EYS: variants seen among roughly 807,000 people sequenced by gnomAD.
EYS encodes the protein EGF-like photoreceptor maintenance factor, also known as protein eyes shut homolog.
EYS carries 250 observed loss-of-function variants against 282.1 expected under a neutral mutation model. That is an observed-to-expected ratio of 0.89 (90% CI 0.80 to 0.98). The LOEUF is 0.98. Among genes scored for constraint, EYS ranks in the 50% least tolerant of loss-of-function variants. The pLI is 0.00. For missense variants in EYS, 4,016 were observed against 3,709.0 expected, an observed-to-expected ratio of 1.08 and a Z score of -2.15; for synonymous variants, 1,355 against 1,282.9, an observed-to-expected ratio of 1.06 and a Z score of -1.20.
chr6:64,294,735 A>G (rs989799160), intron 30 of EYS, among the ~76,000 whole-genome samples: 1 of 152,226 alleles, frequency 6.6e-6, no homozygotes, highest in African/African-American at 2.4e-5. Flanking sequence ...ATGGCTTAGT[A>G]TGATACAAAT....
chr6:65,153,328 C>T (rs1165310096), intron 12 of EYS, among the ~76,000 whole-genome samples: 3 of 149,678 alleles, frequency 2.0e-5, no homozygotes, highest in African/African-American at 7.4e-5. Flanking sequence ...TGATCTGTAC[C>T]GGACTTCTTA....
intron 24 of EYS, among the ~76,000 whole-genome samples, chr6:64,617,024 A>C (rs1767295266): frequency 6.6e-6 from 1 of 152,094 alleles, no homozygotes; most frequent in Non-Finnish European, 1.5e-5. Flanking sequence ...TCGGACATAC[A>C]ATATGCTGAG....
At chr6:65,647,896 A>C (rs1767508546) in intron 1 of EYS, among the ~76,000 whole-genome samples, 1 of 152,232 alleles carries the variant, frequency 6.6e-6, no homozygotes, top group Non-Finnish European at 1.5e-5. Flanking sequence ...TCCTCAAAAA[A>C]AGATATACAA....
intron 31 of EYS, among the ~76,000 whole-genome samples, chr6:64,185,801 T>TA (rs1363693343): frequency 6.6e-6 from 1 of 152,176 alleles, no homozygotes; most frequent in Non-Finnish European, 1.5e-5. Context: ...TCCAAACAAC[T>TA]ACGTGTCAGA....
intron 2 of EYS, among the ~76,000 whole-genome samples, chr6:65,567,395 G>T (rs1764310444): frequency 1.3e-5 from 2 of 151,106 alleles, no homozygotes; most frequent in South Asian, 4.1e-4. Context: ...AGTAATAAAA[G>T]AGAAGTAAAA....
chr6:65,570,387 G>T (rs768025735), intron 2 of EYS, among the ~76,000 whole-genome samples: 1 of 152,126 alleles, frequency 6.6e-6, no homozygotes, highest in African/African-American at 2.4e-5. Flanking sequence ...TTACTAGGAC[G>T]TTTTTTGGGA....
intron 12 of EYS, among the ~76,000 whole-genome samples, chr6:65,155,244 C>T (rs192765965): frequency 9.4e-4 from 143 of 151,562 alleles, no homozygotes; most frequent in African/African-American, 3.3e-3. Flanking sequence ...TAAGCCTTAA[C>T]ATAACTCTTT....
intron 31 of EYS, among the ~76,000 whole-genome samples, chr6:64,169,670 C>A (rs1037811940): frequency 6.6e-6 from 1 of 151,996 alleles, no homozygotes; most frequent in African/African-American, 2.4e-5. Flanking sequence ...AGAAATACAT[C>A]GATCTCATTC....
Position 64,622,793 on chromosome 6 carries a change from A to G in EYS, c.3568+3328T>C, listed in dbSNP as rs544882448. Reference sequence around the variant, plus strand: ...AGTTTTCTACCTGGAGCTGTGTAAGATAAGATAATGGCATGACTGAGATCA... The same window carrying G: ...AGTTTTCTACCTGGAGCTGTGTAAGGTAAGATAATGGCATGACTGAGATCA... On this transcript the variant is annotated intron_variant, in intron 23 of 42. Coordinates refer to ENST00000503581, the MANE Select transcript of EYS (RefSeq NM_001142800.2). Among the ~76,000 whole-genome samples the G allele has an allele frequency of 5.9e-5, 9 of 152,276 alleles. No individual in the cohort carries two copies. The South Asian group carries it at 1.4e-3, about 25-fold the overall frequency.
intron 26 of EYS, among the ~76,000 whole-genome samples, chr6:64,515,725 A>T (rs1783372872): frequency 6.6e-6 from 1 of 151,606 alleles, no homozygotes; most frequent in African/African-American, 2.4e-5. Context: ...CTAAATTTCC[A>T]CTTAATATAA....
At chr6:65,010,345 T>C (rs1476469708) in intron 13 of EYS, among the ~76,000 whole-genome samples, 4 of 152,214 alleles carry the variant, frequency 2.6e-5, no homozygotes, top group African/African-American at 7.2e-5. Context: ...TACTAACTGC[T>C]AAAGGAGACT....
intron 33 of EYS, among the ~76,000 whole-genome samples, chr6:64,000,479 C>T (rs748735089): frequency 3.3e-5 from 5 of 151,840 alleles, no homozygotes; most frequent in East Asian, 3.9e-4. Context: ...GGATTACAGG[C>T]GTGAGCCACC....
At chr6:65,624,796 C>T (rs1766639742) in intron 2 of EYS, among the ~76,000 whole-genome samples, 1 of 152,166 alleles carries the variant, frequency 6.6e-6, no homozygotes, top group African/African-American at 2.4e-5. Flanking sequence ...TACTGTATGT[C>T]AGGGGCTCTT....
rs1428501909 is a variant in EYS, at chr6:64,697,708, C to T, written c.3444-71463G>A. 3.3e-5 allele frequency among the ~76,000 whole-genome samples: 5 copies of T among 152,050 alleles called. No homozygotes were observed. In the East Asian group the frequency reaches 7.7e-4, roughly 23 times the overall value. ...CCTGTAATCCCAGCACTTTGGGTGG[C>T]TGAGGCAGGTGGATCATGAGGTCAA... On this transcript the variant is annotated intron_variant, in intron 22 of 42. Coordinates refer to ENST00000503581, the MANE Select transcript of EYS (RefSeq NM_001142800.2).
Position 64,079,157 on chromosome 6 carries a change from A to G in EYS, c.6571+2699T>C, listed in dbSNP as rs149984273. 5.7e-4 allele frequency among the ~76,000 whole-genome samples: 87 copies of G among 152,160 alleles called. 2 individuals are homozygous for G. Among genetic ancestry groups the G allele is most frequent in the African/African-American group, 2.0e-3 (83 of 41,524 alleles). On this transcript the variant is annotated intron_variant, in intron 32 of 42. Transcript: ENST00000503581. ...ACTATTACTTCCAAATTTCATGGTC[A>G]TCTACCAGCACTTAGATTTTGTATA...
intron 22 of EYS, among the ~76,000 whole-genome samples, chr6:64,765,771 A>G (rs1444714814): frequency 1.3e-5 from 2 of 152,040 alleles, no homozygotes; most frequent in Admixed American, 1.3e-4. Context: ...TCTCACTATC[A>G]TGAGAACAGC....
intron 12 of EYS, among the ~76,000 whole-genome samples, chr6:65,116,243 A>G (rs1239096380): frequency 6.6e-6 from 1 of 152,160 alleles, no homozygotes; most frequent in African/African-American, 2.4e-5. Flanking sequence ...TAAGCTCAGT[A>G]TGACTCTATT....
intron 13 of EYS, among the ~76,000 whole-genome samples, chr6:65,022,582 T>C (rs183846030): frequency 0.018 from 2,699 of 152,026 alleles, 89 homozygotes; most frequent in African/African-American, 0.062. Flanking sequence ...TAAACTCTCA[T>C]AAGACAGTTA....
At chr6:64,580,920 T>C (rs1766039666) in intron 26 of EYS, among the ~76,000 whole-genome samples, 1 of 151,904 alleles carries the variant, frequency 6.6e-6, no homozygotes, top group Non-Finnish European at 1.5e-5. Context: ...TCCAGATGGA[T>C]GTAAATTTCA....
Sources: allele counts gnomAD v4.1 joint callset (sites outside exome capture counted in the v4.1 genomes callset), GRCh38; gene constraint gnomAD v4.1.1; transcripts MANE v1.5; gene names NCBI Gene and HGNC (gene_info 2026-07-23, HGNC 2026-07-21).